The following EGR2 variants were observed in gnomAD, a reference collection of about 807,000 sequenced individuals.
EGR2 encodes the protein early growth response 2, also known as E3 SUMO-protein ligase EGR2.
EGR2 carries 2 observed loss-of-function variants against 21.2 expected under a neutral mutation model. That is an observed-to-expected ratio of 0.09 (90% CI 0.04 to 0.30). The LOEUF (loss-of-function observed/expected upper bound fraction) is 0.30, where lower values mean the gene tolerates loss of function less well. EGR2 is among the 10% of genes least tolerant of loss of function. EGR2 has a pLI of 1.00. For synonymous variants in EGR2, 282 were observed against 258.2 expected, an observed-to-expected ratio of 1.09 and a Z score of -0.88; for missense variants, 458 against 630.2, an observed-to-expected ratio of 0.73 and a Z score of 2.93.
chr10:62,815,986 C>T lies in EGR2; in HGVS notation c.44G>A (p.Ser15Asn). Reference sequence around the variant, plus strand: ...GTCAGACAGCTGGTGCACAAAACCACTGAGAGTTACTGGGATTTTGTCTAC... The same window carrying T: ...GTCAGACAGCTGGTGCACAAAACCATTGAGAGTTACTGGGATTTTGTCTAC... Reference protein sequence around the residue: ...KAVDKIPVTLSGFVHQLSDNI... With the variant: ...KAVDKIPVTLNGFVHQLSDNI... Residue 15 changes from serine (S) to asparagine (N), a missense_variant, in exon 1 of 2, where the codon AGT (serine) becomes AAT (asparagine). By Grantham distance (46) the Ser-to-Asn change is conservative. Coordinates refer to ENST00000242480, the MANE Select transcript of EGR2 (RefSeq NM_000399.5). 6.2e-7 allele frequency: 1 copy of T among 1,614,246 alleles called. No homozygotes were observed. Among genetic ancestry groups the T allele is most frequent in the Non-Finnish European group, 8.5e-7 (1 of 1,180,050 alleles).
At chr10:62,816,543 A>T (rs1842275254), upstream of EGR2, among the ~76,000 whole-genome samples, 1 of 152,084 alleles carries the variant, frequency 6.6e-6, no homozygotes, top group South Asian at 2.1e-4. Context: ...TCCAGCTCGC[A>T]GGCGGCGGGG....
At position 62,813,916 on chromosome 10, in the gene EGR2, G is replaced by C; in HGVS notation, c.722C>G (p.Thr241Arg). 1 of 1,614,222 alleles carries C rather than the reference G, an allele frequency of 6.2e-7. No homozygotes were observed. Among genetic ancestry groups the C allele is most frequent in the Non-Finnish European group, 8.5e-7 (1 of 1,180,026 alleles). ...AAAGGGCTTACGGTCTGGGCCAGCT[G>C]TACCATGTAGGTCTCTCTGGCACTG... ...PSQCQRDLHGTAGPDRKPFPC... is the reference protein window; with the variant it reads ...PSQCQRDLHGRAGPDRKPFPC... The change falls in exon 2 of 2, where the codon ACA becomes AGA. Residue 241 changes from threonine (T) to arginine (R), a missense_variant. By Grantham distance (71) the Thr-to-Arg change is moderately conservative. This residue lies in a region of EGR2 where 253 missense variants were observed against 315.5 expected (regional missense o/e 0.80). Transcript: ENST00000242480. This position sits in a 1 kb window ranked among gnomAD's most constrained non-coding sequence, Gnocchi z 5.7.
Position 62,814,536 on chromosome 10 carries a change from C to G in EGR2, c.170-68G>C. On this transcript the variant is annotated intron_variant, in intron 1 of 1. Coordinates refer to ENST00000242480, the MANE Select transcript of EGR2 (RefSeq NM_000399.5). This position sits in a 1 kb window ranked among gnomAD's most constrained non-coding sequence, Gnocchi z 4.8. ...ACAGCCAGGACTCCCTTCTCACCCC[C>G]GCTCACATAGGTCCATTTCCAAGGC... 6.9e-7 allele frequency: 1 copy of G among 1,452,686 alleles called. No individual in the cohort carries two copies. Among genetic ancestry groups the G allele is most frequent in the South Asian group, 1.1e-5 (1 of 87,068 alleles). The allele number at this position is 1,452,686 out of a possible 1,614,324, so 90.0% of individuals were successfully genotyped here. A position where few individuals can be genotyped will look rare whatever the true frequency, so the allele number is the denominator to read the frequency against.
chr10:62,816,524 CT>C (rs1174457466), upstream of EGR2, among the ~76,000 whole-genome samples: 2 of 152,212 alleles, frequency 1.3e-5, no homozygotes, highest in Non-Finnish European at 2.9e-5. Context: ...CTCCGCCGGG[CT>C]CGCGACTTCC....
In EGR2 at chr10:62,813,543, A is replaced by G; in HGVS notation, c.1095T>C (p.Thr365=). The change falls in exon 2 of 2, where the codon ACT becomes ACC. Residue 365 remains threonine, a synonymous_variant. Transcript: ENST00000242480. The surrounding 1 kb of genome is among the most constrained non-coding windows in gnomAD (Gnocchi z 5.7). ...DELTRHIRIH[T]GHKPFQCRIC... The stretch of plus-strand genomic sequence containing the variant: ...TCCGACACTGGAAGGGCTTATGCCC[A>G]GTGTGGATTCGGATGTGCCGTGTCA... 5.0e-6 allele frequency: 8 copies of G among 1,613,520 alleles called. No individual in the cohort carries two copies. Among genetic ancestry groups the G allele is most frequent in the Non-Finnish European group, 6.8e-6 (8 of 1,180,018 alleles).
At chr10:62,815,778 C>T (rs1274127418) in intron 1 of EGR2, 83 bp downstream of exon 1, 2 of 1,533,672 alleles carry the variant, frequency 1.3e-6, no homozygotes, top group Non-Finnish European at 1.8e-6. Flanking sequence ...CCAATCCTCT[C>T]CTGCGATTCC....
chr10:62,816,369 ACGG>A, upstream of EGR2: 1 of 1,221,540 alleles, frequency 8.2e-7, no homozygotes, highest in Admixed American at 3.5e-5. Context: ...GCTCAGTTAG[ACGG>A]AAAGTGTTGC....
upstream of EGR2, chr10:62,818,490 CAAGA>C (rs71022175): frequency 2.5e-4 from 270 of 1,089,342 alleles, no homozygotes; most frequent in Admixed American, 7.1e-4. Flanking sequence ...TCCTATTTCT[CAAGA>C]AAGAAAGAAA....
At position 62,813,837 on chromosome 10, in the gene EGR2, T is replaced by A. The variant is rs758589570; in HGVS notation, c.801A>T (p.Thr267=). 99 of 1,613,772 alleles carry A rather than the reference T, an allele frequency of 6.1e-5. No homozygotes were observed. Among genetic ancestry groups the A allele is most frequent in the Non-Finnish European group, 8.1e-5 (95 of 1,179,968 alleles). ...GGCCCCCCAGGGTAAAGTTACGGAT[T>A]GTAGAGAGTGGAGTGAGTGGAGGGG... is the stretch of plus-strand genomic sequence containing the variant. ...RVPPPLTPLS[T]IRNFTLGGPS... is the part of the protein sequence containing the mutation. The change falls in exon 2 of 2, where the codon ACA becomes ACT. Residue 267 remains threonine, a synonymous_variant. Coordinates refer to ENST00000242480, the MANE Select transcript of EGR2 (RefSeq NM_000399.5). This position sits in a 1 kb window ranked among gnomAD's most constrained non-coding sequence, Gnocchi z 5.7.
At chr10:62,818,727 G>C, upstream of EGR2, 1 of 698,606 alleles carries the variant, frequency 1.4e-6, no homozygotes. Context: ...GGCCCCCGCC[G>C]GCCCCTTAGG....
In EGR2 at chr10:62,816,046, C is replaced by G; in HGVS notation, c.-17G>C. The G allele has an allele frequency of 6.2e-7, 1 of 1,614,096 alleles. No individual in the cohort carries two copies. Among genetic ancestry groups the G allele is most frequent in the South Asian group, 1.1e-5 (1 of 91,074 alleles). On this transcript the variant is annotated 5_prime_UTR_variant, in exon 1 of 2. Transcript: ENST00000242480. Reference sequence around the variant, plus strand: ...GGTCATCATTTGCTCCTCGCACAACCTGGAGACCCAACTCCCTCGCTACCT... The same window carrying G: ...GGTCATCATTTGCTCCTCGCACAACGTGGAGACCCAACTCCCTCGCTACCT...
chr10:62,818,614 G>T, upstream of EGR2: 1 of 1,274,630 alleles, frequency 7.8e-7, no homozygotes. Flanking sequence ...GCAAGACGAC[G>T]CCTCGGAAGG....
chr10:62,813,763 G>A lies in EGR2; in HGVS notation c.875C>T (p.Pro292Leu), dbSNP rs1273584502. The A allele has an allele frequency of 2.5e-6, 4 of 1,612,274 alleles. No homozygotes were observed. The highest frequency in any genetic ancestry group is 1.3e-5 in the African/African-American group (1 of 74,912). Reference protein sequence around the residue: ...GPGASGGSEGPRLPGSSSAAA... With the variant: ...GPGASGGSEGLRLPGSSSAAA... ...TGCTGAGCTGCTACCAGGCAGCCGG[G>A]GTCCCTCGCTGCCTCCACTGGCCCC... The change falls in exon 2 of 2, where the codon CCC (proline) becomes CTC (leucine). Residue 292 changes from proline to leucine, a missense_variant. Coordinates refer to ENST00000242480, the MANE Select transcript of EGR2 (RefSeq NM_000399.5). This position sits in a 1 kb window ranked among gnomAD's most constrained non-coding sequence, Gnocchi z 5.7.
chr10:62,819,101 C>G (rs1425508475), upstream of EGR2: 1 of 152,418 alleles, frequency 6.6e-6, no homozygotes, highest in Non-Finnish European at 1.5e-5. Flanking sequence ...ATGAGAGTGA[C>G]TGACCCTCTG....
upstream of EGR2, among the ~76,000 whole-genome samples, chr10:62,817,083 G>A (rs1056839936): frequency 6.6e-6 from 1 of 152,204 alleles, no homozygotes; most frequent in Non-Finnish European, 1.5e-5. The surrounding 1 kb of genome is among the most constrained non-coding windows in gnomAD (Gnocchi z 4.4). Flanking sequence ...GGCACCTTGG[G>A]ACTGGGAGGG....
At position 62,814,235 on chromosome 10, in the gene EGR2, T is replaced by G. The variant is rs753108446; in HGVS notation, c.403A>C (p.Ser135Arg). The change falls in exon 2 of 2, where the codon AGC (serine) becomes CGC (arginine). Residue 135 changes from serine (S) to arginine (R), a missense_variant. Physicochemically the swap from Ser to Arg is moderately radical, Grantham distance 110 (BLOSUM62 -1). Coordinates refer to ENST00000242480, the MANE Select transcript of EGR2 (RefSeq NM_000399.5). This position sits in a 1 kb window ranked among gnomAD's most constrained non-coding sequence, Gnocchi z 4.8. ...GGGTTGGGGGAGGCAGAGGTGACGCTGGATGAGGCTGTGGTTGAAGCTGGG... is the reference window on the plus strand; with the variant it reads ...GGGTTGGGGGAGGCAGAGGTGACGCGGGATGAGGCTGTGGTTGAAGCTGGG... ...TSPASTTASS[S>R]VTSASPNPLA... The G allele has an allele frequency of 6.2e-7, 1 of 1,614,110 alleles. No individual in the cohort carries two copies. The highest frequency in any genetic ancestry group is 1.1e-5 in the South Asian group (1 of 91,084).
chr10:62,814,263 A>C lies in EGR2; in HGVS notation c.375T>G (p.Thr125=). ...ATGAGGCTGTGGTTGAAGCTGGGGA[A>C]GTGACCCCTTGCAAGATGCCTGCAC... ...IVSAGILQGV[T]SPASTTASSS... The change falls in exon 2 of 2, where the codon ACT becomes ACG. Residue 125 remains threonine (T), a synonymous_variant. Coordinates refer to ENST00000242480, the MANE Select transcript of EGR2 (RefSeq NM_000399.5). This position sits in a 1 kb window ranked among gnomAD's most constrained non-coding sequence, Gnocchi z 4.8. 2 of 1,614,106 alleles carry C rather than the reference A, an allele frequency of 1.2e-6. No individual in the cohort carries two copies. Among genetic ancestry groups the C allele is most frequent in the Non-Finnish European group, 1.7e-6 (2 of 1,180,004 alleles).
At chr10:62,818,736 G>A (rs892603259), upstream of EGR2, 6 of 540,860 alleles carry the variant, frequency 1.1e-5, no homozygotes, top group Non-Finnish European at 1.5e-5. Flanking sequence ...CGGCCCCTTA[G>A]GTGAGGCACC....
At position 62,816,073 on chromosome 10, in the gene EGR2, G is replaced by A; in HGVS notation, c.-44C>T. On this transcript the variant is annotated 5_prime_UTR_variant, in exon 1 of 2. Transcript: ENST00000242480. ...GGAGACCCAACTCCCTCGCTACCTG[G>A]AGTGTCAGAAAAGCCGTTTTGGAGA... The A allele has an allele frequency of 6.2e-7, 1 of 1,613,858 alleles. No individual in the cohort carries two copies. Among genetic ancestry groups the A allele is most frequent in the Non-Finnish European group, 8.5e-7 (1 of 1,179,970 alleles).
Sources: gnomAD v4.1 joint callset for allele counts (sites outside exome capture counted in the v4.1 genomes callset) on GRCh38, gnomAD v4.1.1 for gene constraint, gnomAD v4.1.1 regional missense constraint, Gnocchi (gnomAD v3.1) non-coding constraint, MANE v1.5 for transcripts, NCBI Gene and HGNC (gene_info 2026-07-23, HGNC 2026-07-21) for gene names.